LASP1: variants seen among roughly 807,000 people sequenced by gnomAD.
LASP1 encodes LIM and SH3 protein 1.
In LASP1, 10 loss-of-function variants were observed where a neutral mutation model predicts 38.6. The ratio of observed to expected loss-of-function variants is 0.26; its 90% CI spans 0.16 to 0.44. The LOEUF is 0.44. LASP1 is among the 20% of genes least tolerant of loss of function. LASP1 has a pLI of 1.00. For synonymous variants in LASP1, 132 were observed against 140.8 expected (o/e 0.94, Z 0.44); for missense variants, 243 against 375.7 (o/e 0.65, Z 2.92).
chr17:38,911,920 C>T (rs1005955057), intron 4 of LASP1, among the ~76,000 whole-genome samples: 6 of 152,154 alleles, frequency 3.9e-5, no homozygotes, highest in African/African-American at 7.2e-5. Flanking sequence ...CAGCCTCCCG[C>T]GTAGCTGGGA....
Position 38,913,741 on chromosome 17 carries a change from C to T in LASP1, c.358-584C>T, listed in dbSNP as rs564963359. ...ACTTGGCCGGTCACGGTGGCTCACG[C>T]CTGTAATCCCAGCACTTTGGGAGGC... is the stretch of plus-strand genomic sequence containing the variant. On this transcript the variant is annotated intron_variant, in intron 4 of 6. Coordinates refer to ENST00000318008, the MANE Select transcript of LASP1 (RefSeq NM_006148.4). Among the ~76,000 whole-genome samples the T allele has an allele frequency of 2.5e-3, 382 of 152,328 alleles. 1 individual carries two copies. The highest frequency in any genetic ancestry group is 7.5e-3 in the Admixed American group (115 of 15,294).
rs1914627389 is a variant in LASP1, at chr17:38,901,021, C to T, written c.357+2502C>T. Among the ~76,000 whole-genome samples, 5 of 152,228 alleles carry T rather than the reference C, an allele frequency of 3.3e-5. No homozygotes were observed. In the South Asian group the frequency reaches 1.0e-3, roughly 32 times the overall value. On this transcript the variant is annotated intron_variant, in intron 4 of 6. Coordinates refer to ENST00000318008, the MANE Select transcript of LASP1 (RefSeq NM_006148.4). Reference sequence around the variant, plus strand: ...TATGGGGAAAACCCGGAATGGTTCACAGAACTGGAATGTCGGCTCTTCAGC... The same window carrying T: ...TATGGGGAAAACCCGGAATGGTTCATAGAACTGGAATGTCGGCTCTTCAGC...
intron 4 of LASP1, among the ~76,000 whole-genome samples, chr17:38,910,878 A>C (rs1242827983): frequency 6.6e-6 from 1 of 152,062 alleles, no homozygotes; most frequent in Non-Finnish European, 1.5e-5. Flanking sequence ...GCCTGCCATC[A>C]TGCCCAGCTA....
intron 4 of LASP1, among the ~76,000 whole-genome samples, chr17:38,914,036 T>A (rs1915036466): frequency 6.6e-6 from 1 of 151,952 alleles, no homozygotes; most frequent in South Asian, 2.1e-4. Context: ...ACCACTCACT[T>A]TGGTCTGATT....
At chr17:38,874,894 G>C (rs1050549311) in intron 1 of LASP1, among the ~76,000 whole-genome samples, 1 of 152,090 alleles carries the variant, frequency 6.6e-6, no homozygotes, top group African/African-American at 2.4e-5. Flanking sequence ...TTGGCCCTGT[G>C]CCCCCTGCCT....
At chr17:38,876,905 A>ATGT (rs1913796862) in intron 1 of LASP1, among the ~76,000 whole-genome samples, 1 of 151,628 alleles carries the variant, frequency 6.6e-6, no homozygotes, top group Non-Finnish European at 1.5e-5. Flanking sequence ...GGGTTTCACC[A>ATGT]TGTTAGCCAG....
chr17:38,898,556 CCT>C (rs1311788155), intron 4 of LASP1, 37 bp downstream of exon 4: 1 of 1,450,392 alleles, frequency 6.9e-7, no homozygotes, highest in Non-Finnish European at 9.5e-7. Flanking sequence ...TCCCTGCTGC[CCT>C]CTGTTTGGTC....
At chr17:38,897,541 C>G (rs911251006) in intron 3 of LASP1, among the ~76,000 whole-genome samples, 2 of 152,264 alleles carry the variant, frequency 1.3e-5, no homozygotes, top group Non-Finnish European at 2.9e-5. Flanking sequence ...CTTCAAAACC[C>G]TCAGGGGAGG....
rs547492749 is a variant in LASP1, at chr17:38,913,245, G to A, written c.358-1080G>A. On this transcript the variant is annotated intron_variant, in intron 4 of 6. Transcript: ENST00000318008. ...TGAAGGCTTGGAGCCTCACATGCCC[G>A]CCTAGTGGGGTGGTCCTGAGGGATA... 6.6e-5 allele frequency among the ~76,000 whole-genome samples: 10 copies of A among 152,304 alleles called. No homozygotes were observed. In the East Asian group the frequency reaches 1.7e-3, roughly 26 times the overall value.
At chr17:38,917,770 G>C (rs1271693520) in intron 6 of LASP1, among the ~76,000 whole-genome samples, 3 of 151,914 alleles carry the variant, frequency 2.0e-5, no homozygotes, top group African/African-American at 7.3e-5. Context: ...GCTCACTGCA[G>C]CCTTAACCTC....
Position 38,894,697 on chromosome 17 carries a change from C to T in LASP1, c.250-3715C>T, listed in dbSNP as rs1210341039. Among the ~76,000 whole-genome samples the T allele has an allele frequency of 4.6e-5, 7 of 152,080 alleles. No homozygotes were observed. In the East Asian group the frequency reaches 1.3e-3, roughly 29 times the overall value. On this transcript the variant is annotated intron_variant, in intron 3 of 6. Transcript: ENST00000318008. ...CATGACTTCCAGCCCCGGCCCTTTC[C>T]ATCAGCTCTCCTCTCCATCTGTGTG...
chr17:38,921,345 C>G lies in LASP1; in HGVS notation c.*2567C>G, dbSNP rs1302448409. 2 of 231,758 alleles carry G rather than the reference C, an allele frequency of 8.6e-6. No homozygotes were observed. The highest frequency in any genetic ancestry group is 1.7e-5 in the Non-Finnish European group (2 of 116,920). 14.4% of individuals were successfully genotyped at this position (231,758 alleles called of 1,614,324 possible). On this transcript the variant is annotated 3_prime_UTR_variant, in exon 7 of 7. Coordinates refer to ENST00000318008, the MANE Select transcript of LASP1 (RefSeq NM_006148.4). The stretch of plus-strand genomic sequence containing the variant: ...AAGAAGCCCAGTGGTGAGGAAAGTG[C>G]GTTCTCCCAGCACTGCCTCCTGTTT...
In LASP1 at chr17:38,918,843, C is replaced by G. The variant is rs114909359; in HGVS notation, c.*65C>G. On this transcript the variant is annotated 3_prime_UTR_variant, in exon 7 of 7. Transcript: ENST00000318008. The surrounding 1 kb of genome is among the most constrained non-coding windows in gnomAD (Gnocchi z 4.4). Reference sequence around the variant, plus strand: ...CATCGCATCCGTCCTGGGCGTGACCCGTCCATTCTTCAGTGTCTCTGTTTT... The same window carrying G: ...CATCGCATCCGTCCTGGGCGTGACCGGTCCATTCTTCAGTGTCTCTGTTTT... 1 of 1,547,850 alleles carries G rather than the reference C, an allele frequency of 6.5e-7. No homozygotes were observed. Among genetic ancestry groups the G allele is most frequent in the South Asian group, 1.1e-5 (1 of 88,622 alleles).
intron 2 of LASP1, 31 bp from the exon 3 acceptor site, chr17:38,890,389 T>C: frequency 6.2e-7 from 1 of 1,602,576 alleles, no homozygotes. Flanking sequence ...TCCCCCAGAG[T>C]CACCCCCACT....
rs1205839572 is a variant in LASP1, at chr17:38,920,597, G to GC, written c.*1821dup. The GC allele has an allele frequency of 2.9e-5, 7 of 237,530 alleles. No individual in the cohort carries two copies. The highest frequency in any genetic ancestry group is 1.3e-4 in the African/African-American group (6 of 45,428). 14.7% of individuals were successfully genotyped at this position (237,530 alleles called of 1,614,324 possible). A position where few individuals can be genotyped will look rare whatever the true frequency, so the allele number is the denominator to read the frequency against. On this transcript the variant is annotated 3_prime_UTR_variant, in exon 7 of 7. Coordinates refer to ENST00000318008, the MANE Select transcript of LASP1 (RefSeq NM_006148.4). ...TGAGGGGCAGGACCTGAAGGTATTG[G>GC]CCTGTTCAACAATCAGTCATCATGG...
intron 2 of LASP1, among the ~76,000 whole-genome samples, chr17:38,886,574 G>A (rs367935592): frequency 6.6e-6 from 1 of 152,172 alleles, no homozygotes; most frequent in African/African-American, 2.4e-5. Flanking sequence ...CTGAGACTAG[G>A]GGGAAGGGTG....
At chr17:38,896,035 TC>T (rs1914480008) in intron 3 of LASP1, among the ~76,000 whole-genome samples, 1 of 151,858 alleles carries the variant, frequency 6.6e-6, no homozygotes. Context: ...CTTGGGCAGG[TC>T]CCTTCCTCCA....
intron 6 of LASP1, 148 bp downstream of exon 6, chr17:38,915,294 T>C: frequency 1.5e-6 from 1 of 655,622 alleles, no homozygotes; most frequent in Non-Finnish European, 2.5e-6. Flanking sequence ...AGAGAGGAAA[T>C]TGGTTGGCGT....
intron 4 of LASP1, among the ~76,000 whole-genome samples, chr17:38,899,503 G>T (rs1914582101): frequency 6.6e-6 from 1 of 152,168 alleles, no homozygotes; most frequent in South Asian, 2.1e-4. Context: ...TCCTTTAAGA[G>T]CTTGGCTGGG....
Sources: gnomAD v4.1 joint callset for allele counts (sites outside exome capture counted in the v4.1 genomes callset) on GRCh38, gnomAD v4.1.1 for gene constraint, Gnocchi (gnomAD v3.1) non-coding constraint, MANE v1.5 for transcripts, NCBI Gene and HGNC (gene_info 2026-07-23, HGNC 2026-07-21) for gene names.